Variants in TBC1D1 observed in about 807,000 individuals in gnomAD.
TBC1D1 encodes TBC1 domain family member 1.
In TBC1D1, 89 loss-of-function variants were observed where a neutral mutation model predicts 125.6. The ratio of observed to expected loss-of-function variants is 0.71; its 90% CI spans 0.60 to 0.85. The LOEUF (loss-of-function observed/expected upper bound fraction) is 0.85, where lower values mean the gene tolerates loss of function less well. Ranked by LOEUF, TBC1D1 falls within the 40% of genes least tolerant of loss-of-function variation. The probability of loss-of-function intolerance (pLI) is 0.00; values close to 1 mark genes in which losing one functional copy is unlikely to be tolerated. For missense variants in TBC1D1, 1,377 were observed against 1,469.2 expected (o/e 0.94, Z 1.03); for synonymous variants, 565 against 564.1 (o/e 1.00, Z -0.02).
At chr4:38,009,063 T>G (rs1314325172) in intron 2 of TBC1D1, among the ~76,000 whole-genome samples, 1 of 152,226 alleles carries the variant, frequency 6.6e-6, no homozygotes, top group Non-Finnish European at 1.5e-5. Flanking sequence ...TTCTCAAGTG[T>G]TTTGCATGAA....
chr4:38,059,018 C>T (rs551362377), intron 12 of TBC1D1, among the ~76,000 whole-genome samples: 19 of 152,296 alleles, frequency 1.2e-4, no homozygotes, highest in South Asian at 4.1e-4. Context: ...CAAAATTAGT[C>T]TGCCTCTTGT....
chr4:38,044,570 A>G, intron 9 of TBC1D1, 80 bp downstream of exon 9: 2 of 1,378,616 alleles, frequency 1.5e-6, no homozygotes, highest in Non-Finnish European at 2.0e-6. Context: ...CTTTTATTCC[A>G]TCAATGTTCA....
At position 37,977,355 on chromosome 4, in the gene TBC1D1, CCCGCCGCCGCCG is replaced by C. The variant is rs560011151; in HGVS notation, c.418-37141_418-37130del. The C allele has an allele frequency of 4.0e-6, 1 of 251,700 alleles. No individual in the cohort carries two copies. Among genetic ancestry groups the C allele is most frequent in the Non-Finnish European group, 6.1e-6 (1 of 162,712 alleles). The allele number at this position is 251,700 out of a possible 1,614,324, so 15.6% of individuals were successfully genotyped here. On this transcript the variant is annotated intron_variant, in intron 2 of 19. Coordinates refer to ENST00000261439, the MANE Select transcript of TBC1D1 (RefSeq NM_015173.4). This position sits in a 1 kb window ranked among gnomAD's most constrained non-coding sequence, Gnocchi z 4.3. ...CGGGGCAGTGACGAACTGGGTGGAGCCCGCCGCCGCCGCCGCCGCCGCCGGGGAGAGCGATGC... is the reference window on the plus strand; with the variant it reads ...CGGGGCAGTGACGAACTGGGTGGAGCCCGCCGCCGCCGGGGAGAGCGATGC...
chr4:37,992,158 T>A (rs1255595989), intron 2 of TBC1D1, among the ~76,000 whole-genome samples: 2 of 152,136 alleles, frequency 1.3e-5, no homozygotes, highest in Non-Finnish European at 2.9e-5. Flanking sequence ...CCATCAGACC[T>A]GTGTTTCCAG....
At chr4:37,982,966 A>G (rs914790328) in intron 2 of TBC1D1, among the ~76,000 whole-genome samples, 2 of 152,074 alleles carry the variant, frequency 1.3e-5, no homozygotes, top group African/African-American at 2.4e-5. Flanking sequence ...GTGGAGCTGC[A>G]CTCACAGGAG....
chr4:38,023,518 C>T (rs1744486241), intron 6 of TBC1D1, among the ~76,000 whole-genome samples: 1 of 152,234 alleles, frequency 6.6e-6, no homozygotes, highest in African/African-American at 2.4e-5. Context: ...CCTCTGGCAA[C>T]ATCTGTTCTG....
intron 8 of TBC1D1, among the ~76,000 whole-genome samples, chr4:38,036,544 G>A (rs1363231372): frequency 1.3e-5 from 2 of 152,178 alleles, no homozygotes; most frequent in Non-Finnish European, 2.9e-5. Context: ...CCACGTACGT[G>A]TTCCAAAGAC....
chr4:38,115,673 T>A (rs374602195), intron 15 of TBC1D1, 37 bp from the exon 18 acceptor site: 9 of 1,572,908 alleles, frequency 5.7e-6, no homozygotes, highest in Non-Finnish European at 7.7e-6. Context: ...TCTTTTTTTG[T>A]TTTTATTATT....
Position 38,008,301 on chromosome 4 carries a change from C to A in TBC1D1, c.418-6208C>A, listed in dbSNP as rs143527566. ...CACCTCCTCCCACCCTCTTTTAGCT[C>A]CTACAGCCATTCGATTACTTCTTTT... On this transcript the variant is annotated intron_variant, in intron 2 of 19. Transcript: ENST00000261439. 2.8e-3 allele frequency among the ~76,000 whole-genome samples: 428 copies of A among 152,322 alleles called. 3 individuals carry two copies. Among genetic ancestry groups the A allele is most frequent in the Middle Eastern group, 0.014 (4 of 294 alleles).
At chr4:37,892,276 G>A (rs1046541154) in intron 1 of TBC1D1, among the ~76,000 whole-genome samples, 1 of 152,104 alleles carries the variant, frequency 6.6e-6, no homozygotes, top group Admixed American at 6.6e-5. Context: ...ATGAGCTAGG[G>A]GTGGTGGCAC....
intron 2 of TBC1D1, among the ~76,000 whole-genome samples, chr4:37,906,422 A>G (rs1333894168): frequency 6.6e-6 from 1 of 152,210 alleles, no homozygotes; most frequent in African/African-American, 2.4e-5. Context: ...TGCTGGGATT[A>G]TAAACATGAG....
intron 18 of TBC1D1, among the ~76,000 whole-genome samples, chr4:38,126,579 A>G (rs1012002061): frequency 2.6e-5 from 4 of 152,258 alleles, no homozygotes; most frequent in African/African-American, 9.6e-5. Context: ...CCCTTATGAA[A>G]GAACAGTTCT....
chr4:37,956,571 T>G (rs1331256847), intron 2 of TBC1D1, among the ~76,000 whole-genome samples: 3 of 152,198 alleles, frequency 2.0e-5, no homozygotes, highest in Non-Finnish European at 4.4e-5. Context: ...GGCTTTTCCC[T>G]GTACTTCCAT....
At chr4:38,135,943 T>C (rs1766515039) in intron 19 of TBC1D1, among the ~76,000 whole-genome samples, 1 of 151,052 alleles carries the variant, frequency 6.6e-6, no homozygotes, top group Non-Finnish European at 1.5e-5. Flanking sequence ...TGTGTGTGTG[T>C]GTGTGTGTGT....
intron 2 of TBC1D1, among the ~76,000 whole-genome samples, chr4:37,948,544 T>C (rs555800166): frequency 6.6e-5 from 10 of 152,110 alleles, no homozygotes; most frequent in Non-Finnish European, 8.8e-5. Flanking sequence ...GGAGAATTTC[T>C]TGAACCTGGG....
intron 17 of TBC1D1, among the ~76,000 whole-genome samples, chr4:38,124,445 A>T (rs1764326597): frequency 6.6e-6 from 1 of 152,218 alleles, no homozygotes; most frequent in African/African-American, 2.4e-5. Flanking sequence ...TTCCATTATC[A>T]TGTTAAAAAT....
At chr4:37,987,645 A>G (rs1398464830) in intron 2 of TBC1D1, among the ~76,000 whole-genome samples, 1 of 151,608 alleles carries the variant, frequency 6.6e-6, no homozygotes, top group Non-Finnish European at 1.5e-5. Context: ...TGATGTTCTC[A>G]GTTAGGGAGA....
rs552944144 is a variant in TBC1D1, at chr4:37,900,343, T to C, written c.-93-1660T>C. 2.6e-5 allele frequency among the ~76,000 whole-genome samples: 4 copies of C among 151,602 alleles called. No individual in the cohort carries two copies. In the South Asian group the frequency reaches 8.3e-4, roughly 32 times the overall value. Reference sequence around the variant, plus strand: ...GAAGTGGAGACAGTAAGTGTAGACCTTACCTTGGAGGGAAGGAAGAGAAAG... The same window carrying C: ...GAAGTGGAGACAGTAAGTGTAGACCCTACCTTGGAGGGAAGGAAGAGAAAG... On this transcript the variant is annotated intron_variant, in intron 1 of 19. Coordinates refer to ENST00000261439, the MANE Select transcript of TBC1D1 (RefSeq NM_015173.4).
chr4:38,118,509 G>A (rs1252831836), intron 17 of TBC1D1: 1 of 251,128 alleles, frequency 4.0e-6, no homozygotes, highest in East Asian at 8.8e-5. Flanking sequence ...ACAGGTGTAT[G>A]TTTCTCATGA....
Sources: allele counts gnomAD v4.1 joint callset (sites outside exome capture counted in the v4.1 genomes callset), GRCh38; gene constraint gnomAD v4.1.1; non-coding constraint Gnocchi (gnomAD v3.1); transcripts MANE v1.5; gene names NCBI Gene and HGNC (gene_info 2026-07-23, HGNC 2026-07-21).